The following SSBP3 variants were observed in gnomAD, a reference collection of about 807,000 sequenced individuals.
SSBP3 encodes single stranded DNA binding protein 3, also known as single-stranded DNA-binding protein 3.
A neutral mutation model predicts 69.6 loss-of-function variants in SSBP3; 5 were observed. That is an observed-to-expected ratio of 0.07 (90% CI 0.04 to 0.15). The LOEUF (loss-of-function observed/expected upper bound fraction) is 0.15, where lower values mean the gene tolerates loss of function less well. Among genes scored for constraint, SSBP3 ranks in the 10% least tolerant of loss-of-function variants. The pLI is 1.00. For missense variants in SSBP3, 312 were observed against 534.0 expected (o/e 0.58, Z 4.10); for synonymous variants, 196 against 193.4 (o/e 1.01, Z -0.11).
rs138755559 is a variant in SSBP3, at chr1:54,361,401, G to C, written c.276+40460C>G. Reference sequence around the variant, plus strand: ...GAAATTAAACAGATAGAGGTTTAAAGCAGAAATGGGGAAACGTGGAAAACC... The same window carrying C: ...GAAATTAAACAGATAGAGGTTTAAACCAGAAATGGGGAAACGTGGAAAACC... On this transcript the variant is annotated intron_variant, in intron 4 of 17. Transcript: ENST00000610401. Among the ~76,000 whole-genome samples the C allele has an allele frequency of 2.1e-3, 314 of 152,242 alleles. 1 individual carries two copies. Among genetic ancestry groups the C allele is most frequent in the African/African-American group, 7.2e-3 (300 of 41,534 alleles).
rs533117663 is a variant in SSBP3, at chr1:54,377,532, G to C, written c.276+24329C>G. Among the ~76,000 whole-genome samples, 11 of 152,338 alleles carry C rather than the reference G, an allele frequency of 7.2e-5. No homozygotes were observed. The East Asian group carries it at 7.7e-4, about 11-fold the overall frequency. On this transcript the variant is annotated intron_variant, in intron 4 of 17. Transcript: ENST00000610401. ...CAGCAGCCAGGCTCTTAACACTCAGGAAGGGTGGTGCCTCCCTACCCATCC... is the reference window on the plus strand; with the variant it reads ...CAGCAGCCAGGCTCTTAACACTCAGCAAGGGTGGTGCCTCCCTACCCATCC...
At position 54,373,572 on chromosome 1, in the gene SSBP3, T is replaced by G. The variant is rs942979179; in HGVS notation, c.276+28289A>C. Among the ~76,000 whole-genome samples the G allele has an allele frequency of 2.6e-5, 4 of 151,950 alleles. No homozygotes were observed. In the South Asian group the frequency reaches 8.3e-4, roughly 32 times the overall value. ...TGAGACCAGGAGTTCAAGACCAGACTAGACAACATGGTGAAACCCCATCTC... is the reference window on the plus strand; with the variant it reads ...TGAGACCAGGAGTTCAAGACCAGACGAGACAACATGGTGAAACCCCATCTC... On this transcript the variant is annotated intron_variant, in intron 4 of 17. Transcript: ENST00000610401.
At chr1:54,260,354 G>A (rs1362005086) in intron 5 of SSBP3, among the ~76,000 whole-genome samples, 2 of 152,210 alleles carry the variant, frequency 1.3e-5, no homozygotes, top group Non-Finnish European at 1.5e-5. Flanking sequence ...TCCTCAGGGC[G>A]AGCAGTGGGG....
At chr1:54,247,482 G>C (rs1399292977) in intron 9 of SSBP3, among the ~76,000 whole-genome samples, 1 of 152,146 alleles carries the variant, frequency 6.6e-6, no homozygotes, top group Non-Finnish European at 1.5e-5. Flanking sequence ...CTCAGGACCA[G>C]GATTAATGAC....
intron 4 of SSBP3, among the ~76,000 whole-genome samples, chr1:54,292,392 GA>G: frequency 6.6e-6 from 1 of 152,190 alleles, no homozygotes; most frequent in Non-Finnish European, 1.5e-5. Context: ...CAGAGCCCCA[GA>G]TGCCTCATGT....
chr1:54,233,586 TG>T (rs1261527879), intron 14 of SSBP3, among the ~76,000 whole-genome samples: 1 of 97,476 alleles, frequency 1.0e-5, no homozygotes, highest in South Asian at 3.6e-4. Context: ...GGGAGGGAGG[TG>T]GGGGGGTCAG....
chr1:54,403,611 C>T (rs1649463052), intron 3 of SSBP3, among the ~76,000 whole-genome samples: 1 of 152,228 alleles, frequency 6.6e-6, no homozygotes, highest in South Asian at 2.1e-4. Flanking sequence ...GACACTTCAT[C>T]CTCCTGCTGT....
intron 4 of SSBP3, among the ~76,000 whole-genome samples, chr1:54,345,128 C>T (rs1307679971): frequency 6.6e-6 from 1 of 152,158 alleles, no homozygotes; most frequent in Non-Finnish European, 1.5e-5. Flanking sequence ...AGTTCTCGTG[C>T]GTGGCCAGCA....
chr1:54,376,160 C>T (rs756007732), intron 4 of SSBP3, among the ~76,000 whole-genome samples: 4 of 151,932 alleles, frequency 2.6e-5, no homozygotes, highest in Non-Finnish European at 5.9e-5. Flanking sequence ...GTCTCCCCTC[C>T]ACCCTGTTCA....
chr1:54,298,037 C>G (rs1283544424), intron 4 of SSBP3, among the ~76,000 whole-genome samples: 2 of 152,186 alleles, frequency 1.3e-5, no homozygotes, highest in Non-Finnish European at 2.9e-5. Context: ...TCTTCTGCCC[C>G]CTCATGCTCC....
At chr1:54,269,024 C>T (rs2100807972) in intron 5 of SSBP3, among the ~76,000 whole-genome samples, 1 of 152,280 alleles carries the variant, frequency 6.6e-6, no homozygotes, top group Non-Finnish European at 1.5e-5. Context: ...CTTAGTTCAG[C>T]CCTTACCAAG....
chr1:54,251,127 TG>T (rs1284465253), intron 9 of SSBP3, among the ~76,000 whole-genome samples: 9 of 152,300 alleles, frequency 5.9e-5, no homozygotes, highest in African/African-American at 1.9e-4. Flanking sequence ...TGAGGCCTGC[TG>T]GGGCCCACAG....
At chr1:54,234,361 AAAAT>A (rs1337103783) in intron 14 of SSBP3, among the ~76,000 whole-genome samples, 2 of 151,362 alleles carry the variant, frequency 1.3e-5, no homozygotes, top group Admixed American at 6.6e-5. Flanking sequence ...TAAATTAAAA[AAAAT>A]AAATAAAAAT....
chr1:54,270,397 G>A (rs1183340331), intron 5 of SSBP3, among the ~76,000 whole-genome samples: 1 of 152,182 alleles, frequency 6.6e-6, no homozygotes, highest in Non-Finnish European at 1.5e-5. Context: ...AGGGCACTAG[G>A]AGTCAAGGTG....
At chr1:54,361,899 G>A (rs1181097809) in intron 4 of SSBP3, among the ~76,000 whole-genome samples, 3 of 152,136 alleles carry the variant, frequency 2.0e-5, no homozygotes, top group Non-Finnish European at 4.4e-5. Context: ...TCGTCCTTCC[G>A]CCATGGGTTC....
chr1:54,381,127 G>A (rs1467076606), intron 4 of SSBP3, among the ~76,000 whole-genome samples: 3 of 152,050 alleles, frequency 2.0e-5, no homozygotes, highest in South Asian at 2.1e-4. Context: ...ACTCACGCCT[G>A]TAATCCCAGC....
At chr1:54,347,004 C>CA (rs1209098348) in intron 4 of SSBP3, among the ~76,000 whole-genome samples, 31 of 152,122 alleles carry the variant, frequency 2.0e-4, no homozygotes, top group African/African-American at 7.2e-4. Context: ...GACACTGCAC[C>CA]AGGCTGGAGT....
At chr1:54,282,603 G>A (rs151265778) in intron 4 of SSBP3, among the ~76,000 whole-genome samples, 16 of 152,152 alleles carry the variant, frequency 1.1e-4, no homozygotes, top group African/African-American at 1.9e-4. Context: ...TCAGGTGGTC[G>A]GCGCGTCTGT....
chr1:54,381,252 G>A (rs559040617), intron 4 of SSBP3, among the ~76,000 whole-genome samples: 9 of 151,856 alleles, frequency 5.9e-5, no homozygotes, highest in South Asian at 4.2e-4. Flanking sequence ...GCGTGGTGGC[G>A]TGCGCCTGCA....
Sources: allele counts gnomAD v4.1 joint callset (sites outside exome capture counted in the v4.1 genomes callset), GRCh38; gene constraint gnomAD v4.1.1; transcripts MANE v1.5; gene names NCBI Gene and HGNC (gene_info 2026-07-23, HGNC 2026-07-21).